The following ZNF331 variants were observed in gnomAD, a reference collection of about 807,000 sequenced individuals.
ZNF331 encodes the protein C2H2-like zinc finger protein rearranged in thyroid adenomas.
Under a neutral mutation model 7.0 loss-of-function variants are expected in ZNF331, and 2 were observed. The ratio of observed to expected loss-of-function variants is 0.29; its 90% confidence interval spans 0.12 to 0.90. The LOEUF is 0.90. Ranked by LOEUF, ZNF331 falls within the 40% of genes least tolerant of loss-of-function variation. The probability of loss-of-function intolerance (pLI) is 0.58; values close to 1 mark genes in which losing one functional copy is unlikely to be tolerated. For synonymous variants in ZNF331, 196 were observed against 205.4 expected, an observed-to-expected ratio of 0.95 and a Z score of 0.39; for missense variants, 432 against 587.7, an observed-to-expected ratio of 0.74 and a Z score of 2.74.
At chr19:53,528,870 C>T (rs1038315659) in intron 2 of ZNF331, among the ~76,000 whole-genome samples, 37 of 152,122 alleles carry the variant, frequency 2.4e-4, no homozygotes, top group Non-Finnish European at 4.3e-4. Context: ...CTGCAGCCTC[C>T]GCCTCCCAGG....
rs1185138195 is a variant in ZNF331, at chr19:53,539,350, T to G, written c.-138+68T>G. The G allele has an allele frequency of 6.6e-6, 1 of 152,102 alleles. No individual in the cohort carries two copies. Among genetic ancestry groups the G allele is most frequent in the African/African-American group, 2.4e-5 (1 of 41,426 alleles). 9.4% of individuals were successfully genotyped at this position (152,102 alleles called of 1,614,324 possible). The stretch of plus-strand genomic sequence containing the variant: ...AAGACTTAAGACCAAACATTAAAGG[T>G]AGATGACCAAGATTTGAGTCCTGTT... On this transcript the variant is annotated intron_variant, in intron 2 of 5. Transcript: ENST00000449416. This position sits in a 1 kb window ranked among gnomAD's most constrained non-coding sequence, Gnocchi z 6.1.
rs1045035995 is a variant in ZNF331 at position 53,530,440 on chromosome 19, G to A, written c.-205+7756G>A. Among the ~76,000 whole-genome samples the A allele has an allele frequency of 2.6e-5, 4 of 152,156 alleles. 1 individual carries two copies. Among genetic ancestry groups the A allele is most frequent in the South Asian group, 4.1e-4 (2 of 4,830 alleles). ...CAAGTATTCAAGCCATACCGCCCAC[G>A]GATGTCGATTTATAACCAAATAATT... On this transcript the variant is annotated intron_variant, in intron 2 of 6. Transcript: ENST00000253144.
intron 2 of ZNF331, among the ~76,000 whole-genome samples, chr19:53,541,847 T>C (rs1019197525): frequency 6.6e-5 from 10 of 151,750 alleles, no homozygotes; most frequent in Non-Finnish European, 1.3e-4. Flanking sequence ...TCTACTAAAA[T>C]AAAAAATTGA....
intron 2 of ZNF331, among the ~76,000 whole-genome samples, chr19:53,548,855 T>C (rs1015902637): frequency 2.0e-5 from 3 of 146,638 alleles, no homozygotes; most frequent in Admixed American, 6.8e-5. Context: ...CTTTTTCTTC[T>C]TTTTTTTTTT....
intron 2 of ZNF331, among the ~76,000 whole-genome samples, chr19:53,543,975 T>C (rs1261633972): frequency 2.0e-5 from 3 of 152,104 alleles, no homozygotes; most frequent in Non-Finnish European, 2.9e-5. Context: ...ATGGCTGTAA[T>C]CCCAGCACTT....
intron 3 of ZNF331, among the ~76,000 whole-genome samples, chr19:53,565,370 T>A (rs1194263382): frequency 1.3e-5 from 2 of 152,174 alleles, no homozygotes; most frequent in Admixed American, 1.3e-4. Flanking sequence ...CCTTTTTAAA[T>A]TTTTTGTAGA....
At chr19:53,524,138 C>G (rs2087200818) in intron 2 of ZNF331, among the ~76,000 whole-genome samples, 1 of 152,134 alleles carries the variant, frequency 6.6e-6, no homozygotes, top group South Asian at 2.1e-4. Flanking sequence ...GTATATGTGC[C>G]ACATTTTCTT....
At chr19:53,542,912 C>T (rs533507900) in intron 2 of ZNF331, among the ~76,000 whole-genome samples, 5 of 152,270 alleles carry the variant, frequency 3.3e-5, no homozygotes, top group South Asian at 2.1e-4. Flanking sequence ...CGGGTTCAAG[C>T]GATTCTCCTG....
At chr19:53,530,165 C>T (rs3974966) in intron 2 of ZNF331, among the ~76,000 whole-genome samples, 39,607 of 151,588 alleles carry the variant, frequency 0.26, 6,074 homozygotes, top group African/African-American at 0.43. Context: ...ACAGCGCTGG[C>T]GGGAGGTGCG....
intron 2 of ZNF331, among the ~76,000 whole-genome samples, chr19:53,546,107 G>T (rs1403878134): frequency 7.5e-6 from 1 of 134,132 alleles, no homozygotes; most frequent in Admixed American, 8.7e-5. Context: ...TTTCCCCTAG[G>T]CTGGCATCCT....
At chr19:53,519,801 C>T (rs2086999150), upstream of ZNF331, among the ~76,000 whole-genome samples, 1 of 152,132 alleles carries the variant, frequency 6.6e-6, no homozygotes, top group African/African-American at 2.4e-5. Context: ...TACTCAAGGT[C>T]CCTACACACA....
At chr19:53,505,394 G>A in the ZNF331 span, among the ~76,000 whole-genome samples, 7 of 152,150 alleles carry the variant, frequency 4.6e-5, no homozygotes, top group African/African-American at 9.6e-5. Flanking sequence ...CTCCAGCCTC[G>A]TGCCATGTTT....
At chr19:53,515,822 T>C (rs1175497625), upstream of ZNF331, among the ~76,000 whole-genome samples, 6 of 152,172 alleles carry the variant, frequency 3.9e-5, no homozygotes, top group Admixed American at 6.6e-5. Flanking sequence ...GAAGCTCCTT[T>C]TAAACCCTTT....
At chr19:53,541,109 T>TC (rs772396715) in intron 2 of ZNF331, among the ~76,000 whole-genome samples, 2 of 86,138 alleles carry the variant, frequency 2.3e-5, no homozygotes, top group Non-Finnish European at 5.3e-5. Context: ...ATATTTCTTT[T>TC]CTTTTTTTTT....
chr19:53,568,046 T>C (rs1037811196), intron 3 of ZNF331, among the ~76,000 whole-genome samples: 5 of 151,844 alleles, frequency 3.3e-5, no homozygotes, highest in African/African-American at 1.2e-4. Context: ...GTCGGGAGTT[T>C]GAGACCAGCC....
Position 53,577,313 on chromosome 19 carries a change from C to G in ZNF331, c.753C>G (p.Thr251=). The change falls in exon 6 of 6, where the codon ACC becomes ACG. Residue 251 remains threonine, a synonymous_variant. Coordinates refer to ENST00000449416, the MANE Select transcript of ZNF331 (RefSeq NM_001079906.2). ...ACGAATGCAAAGACTGTGGGAAGACCTTTAGCCGTGTGTATAAACTTATTC... is the reference window on the plus strand; with the variant it reads ...ACGAATGCAAAGACTGTGGGAAGACGTTTAGCCGTGTGTATAAACTTATTC... ...KDYECKDCGK[T]FSRVYKLIQH... is the part of the protein sequence containing the mutation. 2 of 1,613,768 alleles carry G rather than the reference C, an allele frequency of 1.2e-6. No homozygotes were observed. Among genetic ancestry groups the G allele is most frequent in the Non-Finnish European group, 1.7e-6 (2 of 1,179,964 alleles).
In ZNF331 at chr19:53,524,362, TA is replaced by T. The variant is rs1398944633; in HGVS notation, c.-205+1680del. ...ACACTGTCTTCCACAATGGTTGAAC[TA>T]ATTTACACTCCCACCAACAGTGTAA... On this transcript the variant is annotated intron_variant, in intron 2 of 6. Coordinates refer to the ZNF331 transcript ENST00000253144. Among the ~76,000 whole-genome samples, 4 of 152,364 alleles carry T rather than the reference TA, an allele frequency of 2.6e-5. No individual in the cohort carries two copies. The East Asian group carries it at 7.7e-4, about 29-fold the overall frequency.
intron 5 of ZNF331, among the ~76,000 whole-genome samples, chr19:53,575,109 G>GT (rs1380557676): frequency 2.0e-5 from 3 of 151,340 alleles, no homozygotes; most frequent in African/African-American, 7.3e-5. Context: ...GCTAATTTTT[G>GT]TATTTTTTTT....
intron 2 of ZNF331, among the ~76,000 whole-genome samples, chr19:53,529,474 G>A (rs10405978): frequency 0.16 from 24,518 of 151,804 alleles, 2,378 homozygotes; most frequent in African/African-American, 0.27. Context: ...CAGTGTCCTA[G>A]TTGTGGTATT....
Sources: gnomAD v4.1 joint callset for allele counts (sites outside exome capture counted in the v4.1 genomes callset) on GRCh38, gnomAD v4.1.1 for gene constraint, Gnocchi (gnomAD v3.1) non-coding constraint, MANE v1.5 for transcripts, NCBI Gene and HGNC (gene_info 2026-07-23, HGNC 2026-07-21) for gene names.